The following SCFD1 variants were observed in gnomAD, a reference collection of about 807,000 sequenced individuals.
The protein encoded by SCFD1 is sec1 family domain-containing protein 1.
Under a neutral mutation model 103.2 loss-of-function variants are expected in SCFD1, and 37 were observed. The observed-to-expected ratio is 0.36, with a 90% CI of 0.28 to 0.47. The LOEUF (loss-of-function observed/expected upper bound fraction) is 0.47. SCFD1 is among the 20% of genes least tolerant of loss of function. The probability of loss-of-function intolerance (pLI) is 1.00; values close to 1 mark genes in which losing one functional copy is unlikely to be tolerated. For synonymous variants in SCFD1, 264 were observed against 245.0 expected (o/e 1.08, Z -0.73); for missense variants, 639 against 761.2 (o/e 0.84, Z 1.89).
intron 19 of SCFD1, chr14:30,715,595 G>T (rs1018176816): frequency 3.7e-5 from 6 of 161,002 alleles, no homozygotes; most frequent in Non-Finnish European, 6.6e-5. Flanking sequence ...CGGGATTCTT[G>T]TTTGATCAAA....
chr14:30,649,207 C>G (rs1468417861), intron 7 of SCFD1, among the ~76,000 whole-genome samples: 1 of 151,906 alleles, frequency 6.6e-6, no homozygotes, highest in Non-Finnish European at 1.5e-5. Flanking sequence ...ATTATAAATC[C>G]TTTTATGTGT....
At chr14:30,631,565 A>T (rs79982105) in intron 3 of SCFD1, among the ~76,000 whole-genome samples, 12,709 of 151,790 alleles carry the variant, frequency 0.084, 858 homozygotes, top group African/African-American at 0.19. Context: ...ATATTTTTTT[A>T]AAAAAAAGGA....
chr14:30,622,436 C>T (rs374524383), intron 1 of SCFD1, 37 bp downstream of exon 1: 4 of 1,549,180 alleles, frequency 2.6e-6, no homozygotes, highest in Non-Finnish European at 3.5e-6. Context: ...AGCTTCGTGA[C>T]TGCCCCGACG....
intron 9 of SCFD1, among the ~76,000 whole-genome samples, chr14:30,651,373 A>G (rs957280633): frequency 1.3e-5 from 2 of 152,168 alleles, no homozygotes; most frequent in Admixed American, 6.5e-5. Context: ...TCTCAAGTCA[A>G]TTTGGTGTCT....
At chr14:30,670,514 G>T in intron 11 of SCFD1, 119 bp downstream of exon 11, 2 of 587,802 alleles carry the variant, frequency 3.4e-6, no homozygotes, top group South Asian at 2.6e-5. Flanking sequence ...CAATGAGTGG[G>T]GGCTGTAATT....
intron 14 of SCFD1, among the ~76,000 whole-genome samples, chr14:30,692,902 G>A (rs777963442): frequency 6.6e-6 from 1 of 152,034 alleles, no homozygotes; most frequent in Non-Finnish European, 1.5e-5. Flanking sequence ...CCTTTCTCAT[G>A]TAAATTATTA....
intron 14 of SCFD1, among the ~76,000 whole-genome samples, chr14:30,693,849 C>T (rs190738731): frequency 6.6e-6 from 1 of 152,104 alleles, no homozygotes; most frequent in African/African-American, 2.4e-5. Flanking sequence ...TATTAACACC[C>T]TCAATAGTAT....
At chr14:30,723,036 T>C (rs1375421994) in intron 23 of SCFD1, among the ~76,000 whole-genome samples, 1 of 152,100 alleles carries the variant, frequency 6.6e-6, no homozygotes, top group African/African-American at 2.4e-5. Context: ...AGCAGACAGC[T>C]AAGCAAAAAG....
chr14:30,630,702 G>A (rs568744082), intron 3 of SCFD1, 137 bp downstream of exon 3: 1 of 583,706 alleles, frequency 1.7e-6, no homozygotes, highest in South Asian at 2.3e-5. Flanking sequence ...TTATTTCTGG[G>A]ATTTAAAAAA....
At chr14:30,710,279 G>A (rs920320460) in intron 19 of SCFD1, among the ~76,000 whole-genome samples, 4 of 139,668 alleles carry the variant, frequency 2.9e-5, no homozygotes, top group East Asian at 2.1e-4. Flanking sequence ...GAAATGATCA[G>A]TGGTCACCCC....
At chr14:30,728,020 TC>T (rs1211729215) in intron 23 of SCFD1, among the ~76,000 whole-genome samples, 1 of 152,216 alleles carries the variant, frequency 6.6e-6, no homozygotes, top group African/African-American at 2.4e-5. Flanking sequence ...TGATCCGTCT[TC>T]CTGAGCTTGT....
intron 18 of SCFD1, among the ~76,000 whole-genome samples, chr14:30,707,360 G>A (rs1042590520): frequency 6.6e-6 from 1 of 152,146 alleles, no homozygotes; most frequent in Non-Finnish European, 1.5e-5. Flanking sequence ...ACTTATTGGT[G>A]TTTTGTTGTT....
chr14:30,643,282 G>A lies in SCFD1; in HGVS notation c.524-34G>A, dbSNP rs760393898. On this transcript the variant is annotated intron_variant, in intron 6 of 24. Transcript: ENST00000458591. ...TTAGAAAGATGAGGCATAAGTTTGG[G>A]TCAACTTTTTCTCCTTTTCCTATGT... is the stretch of plus-strand genomic sequence containing the variant. 14 of 1,351,556 alleles carry A rather than the reference G, an allele frequency of 1.0e-5. No individual in the cohort carries two copies. In the African/African-American group the frequency reaches 2.0e-4, roughly 19 times the overall value. The allele number at this position is 1,351,556 out of a possible 1,614,324, so 83.7% of individuals were successfully genotyped here.
At chr14:30,734,468 T>C (rs766122587) in intron 23 of SCFD1, 2 of 319,644 alleles carry the variant, frequency 6.3e-6, no homozygotes, top group Admixed American at 4.1e-5. Flanking sequence ...ATTGGAAGAA[T>C]GTTGTTCTAA....
chr14:30,702,175 C>G, intron 16 of SCFD1, 121 bp from the exon 17 acceptor site: 1 of 604,744 alleles, frequency 1.7e-6, no homozygotes, highest in Non-Finnish European at 2.9e-6. Context: ...CTCCACTCTA[C>G]TTGGGTGCCA....
intron 14 of SCFD1, among the ~76,000 whole-genome samples, chr14:30,677,781 A>G (rs1336946867): frequency 7.1e-6 from 1 of 141,368 alleles, no homozygotes; most frequent in Non-Finnish European, 1.5e-5. Flanking sequence ...GAATTTCTTG[A>G]CCATCTGAGC....
Position 30,694,773 on chromosome 14 carries a change from G to C in SCFD1, c.1243G>C (p.Ala415Pro). The C allele has an allele frequency of 6.3e-7, 1 of 1,575,912 alleles. No individual in the cohort carries two copies. Among genetic ancestry groups the C allele is most frequent in the Non-Finnish European group, 8.6e-7 (1 of 1,168,634 alleles). ...TCATCTAATGTTTATTTTGAAACAG[G>C]CAAGAAAATTGGATGTATATTTTGA... Reference protein sequence around the residue: ...VATAVLEHIKARKLDVYFEYE... With the variant: ...VATAVLEHIKPRKLDVYFEYE... The change falls in exon 15 of 25, where the codon GCA (alanine) becomes CCA (proline). Residue 415 changes from alanine to proline, a missense_variant and splice_region_variant. Physicochemically the swap from Ala to Pro is conservative, Grantham distance 27. Coordinates refer to ENST00000458591, the MANE Select transcript of SCFD1 (RefSeq NM_016106.4).
rs567449582 is a variant in SCFD1, at chr14:30,648,245, C to G, written c.614-1283C>G. Among the ~76,000 whole-genome samples, 5 of 152,156 alleles carry G rather than the reference C, an allele frequency of 3.3e-5. No homozygotes were observed. The South Asian group carries it at 6.2e-4, about 19-fold the overall frequency. ...TACAAACATTTATAACTTTTGCCAT[C>G]AAAAGAAAACACAGTTTTGAAAAAT... On this transcript the variant is annotated intron_variant, in intron 7 of 24. Transcript: ENST00000458591.
intron 23 of SCFD1, among the ~76,000 whole-genome samples, chr14:30,728,856 T>TCC (rs60812949): frequency 5.8e-5 from 8 of 138,062 alleles, no homozygotes; most frequent in African/African-American, 2.2e-4. Flanking sequence ...TTTTTTTTTT[T>TCC]CCCCCCGAGA....
Sources: allele counts gnomAD v4.1 joint callset (sites outside exome capture counted in the v4.1 genomes callset), GRCh38; gene constraint gnomAD v4.1.1; transcripts MANE v1.5; gene names NCBI Gene and HGNC (gene_info 2026-07-23, HGNC 2026-07-21).